The following SCFD2 variants were observed in gnomAD, a reference collection of about 807,000 sequenced individuals.
The protein encoded by SCFD2 is sec1 family domain-containing protein 2.
SCFD2 carries 54 observed loss-of-function variants against 58.9 expected under a neutral mutation model. The observed-to-expected ratio is 0.92, with a 90% CI of 0.74 to 1.15. SCFD2 has a LOEUF of 1.15. Among genes scored for constraint, SCFD2 ranks in the 50% most tolerant of loss-of-function variants. The probability of loss-of-function intolerance (pLI) is 0.00; values close to 1 mark genes in which losing one functional copy is unlikely to be tolerated. For missense variants in SCFD2, 805 were observed against 836.6 expected, an observed-to-expected ratio of 0.96 and a Z score of 0.47; for synonymous variants, 321 against 335.9, an observed-to-expected ratio of 0.96 and a Z score of 0.49.
intron 4 of SCFD2, among the ~76,000 whole-genome samples, chr4:53,190,726 T>C (rs182739826): frequency 3.3e-5 from 5 of 152,318 alleles, no homozygotes; most frequent in African/African-American, 9.6e-5. Context: ...AAGGAAATAA[T>C]AGATGCTGAA....
rs1443141424 is a variant in SCFD2 at position 53,045,595 on chromosome 4, T to A, written c.1561+99738A>T. On this transcript the variant is annotated intron_variant, in intron 5 of 8. Coordinates refer to ENST00000401642, the MANE Select transcript of SCFD2 (RefSeq NM_152540.4). ...CTTAAATTTTTAATTTCTCTCAAAA[T>A]TTCCTTATAAAATTAGATTGCATCT... Among the ~76,000 whole-genome samples the A allele has an allele frequency of 2.0e-5, 3 of 152,314 alleles. No homozygotes were observed. In the East Asian group the frequency reaches 5.8e-4, roughly 29 times the overall value.
In SCFD2 at chr4:53,221,804, A is replaced by G. The variant is rs544055192; in HGVS notation, c.1311+52022T>C. On this transcript the variant is annotated intron_variant, in intron 4 of 8. Coordinates refer to ENST00000401642, the MANE Select transcript of SCFD2 (RefSeq NM_152540.4). ...GCTGGAAGATGGAGATTAGAAAATG[A>G]GAAATAGGGAGATCCAGCAGCTCTA... 3.9e-5 allele frequency among the ~76,000 whole-genome samples: 6 copies of G among 152,362 alleles called. No individual in the cohort carries two copies. In the East Asian group the frequency reaches 1.2e-3, roughly 29 times the overall value.
At position 53,271,607 on chromosome 4, in the gene SCFD2, G is replaced by C. The variant is rs774727770; in HGVS notation, c.1311+2219C>G. Reference sequence around the variant, plus strand: ...CCTCCCGAGTAGCTGGGACTACAGAGGACCGCCACCACACCCAGCTAATTT... The same window carrying C: ...CCTCCCGAGTAGCTGGGACTACAGACGACCGCCACCACACCCAGCTAATTT... On this transcript the variant is annotated intron_variant, in intron 4 of 8. Coordinates refer to ENST00000401642, the MANE Select transcript of SCFD2 (RefSeq NM_152540.4). Among the ~76,000 whole-genome samples the C allele has an allele frequency of 2.6e-4, 40 of 151,920 alleles. 1 individual carries two copies. Among genetic ancestry groups the C allele is most frequent in the Non-Finnish European group, 4.0e-4 (27 of 67,934 alleles).
chr4:52,962,605 AT>A (rs1720875865), intron 5 of SCFD2, among the ~76,000 whole-genome samples: 1 of 151,704 alleles, frequency 6.6e-6, no homozygotes. Context: ...TTGTCTTCCT[AT>A]TTTTTTCTTT....
intron 7 of SCFD2, among the ~76,000 whole-genome samples, chr4:52,906,625 G>A (rs1178497415): frequency 6.6e-6 from 1 of 152,220 alleles, no homozygotes; most frequent in Non-Finnish European, 1.5e-5. Flanking sequence ...TTACTGCTTG[G>A]TTTAGAGTCT....
chr4:53,303,829 AT>A (rs1416921515), intron 3 of SCFD2, among the ~76,000 whole-genome samples: 7 of 142,878 alleles, frequency 4.9e-5, no homozygotes, highest in Non-Finnish European at 9.5e-5. Context: ...GGAAACCATC[AT>A]TCTCAGCAAA....
chr4:52,996,039 A>G (rs1352066788), intron 5 of SCFD2, among the ~76,000 whole-genome samples: 2 of 152,218 alleles, frequency 1.3e-5, no homozygotes. Context: ...AATGACTGAA[A>G]TCTTGGTACT....
intron 2 of SCFD2, among the ~76,000 whole-genome samples, chr4:53,315,299 C>T (rs1732828068): frequency 7.3e-6 from 1 of 137,726 alleles, no homozygotes; most frequent in African/African-American, 2.7e-5. Context: ...GGTTACAAAA[C>T]AAGAGAAAGA....
intron 5 of SCFD2, among the ~76,000 whole-genome samples, chr4:52,930,441 T>G (rs990470286): frequency 1.3e-5 from 2 of 152,116 alleles, no homozygotes; most frequent in Non-Finnish European, 2.9e-5. Flanking sequence ...ATTCAGGACA[T>G]AGGCATGGGC....
intron 4 of SCFD2, among the ~76,000 whole-genome samples, chr4:53,224,488 A>G (rs1186084133): frequency 1.3e-5 from 2 of 152,090 alleles, no homozygotes; most frequent in Non-Finnish European, 2.9e-5. Context: ...ATACCCTGAG[A>G]TTGCCATGAT....
chr4:53,179,928 A>C (rs1007576841), intron 4 of SCFD2, among the ~76,000 whole-genome samples: 1 of 152,246 alleles, frequency 6.6e-6, no homozygotes, highest in Non-Finnish European at 1.5e-5. Flanking sequence ...TGGTAAAGGG[A>C]TCAATTCAAC....
At chr4:53,224,866 TTTA>T (rs1282113077) in intron 4 of SCFD2, among the ~76,000 whole-genome samples, 2 of 152,232 alleles carry the variant, frequency 1.3e-5, no homozygotes, top group African/African-American at 4.8e-5. Flanking sequence ...TTCACCTTTT[TTTA>T]TTATTTAACA....
At chr4:53,156,842 C>T (rs998555323) in intron 4 of SCFD2, among the ~76,000 whole-genome samples, 3 of 152,146 alleles carry the variant, frequency 2.0e-5, no homozygotes, top group Non-Finnish European at 2.9e-5. Context: ...GATGGTTATC[C>T]CTAGAAAAAG....
intron 5 of SCFD2, among the ~76,000 whole-genome samples, chr4:53,053,222 CAAA>C (rs1277787453): frequency 2.6e-5 from 2 of 77,500 alleles, no homozygotes; most frequent in African/African-American, 4.9e-5. Context: ...GACACCGTCT[CAAA>C]AAAAAAAAAA....
intron 2 of SCFD2, among the ~76,000 whole-genome samples, chr4:53,319,784 G>A (rs537028705): frequency 6.6e-6 from 1 of 152,038 alleles, no homozygotes; most frequent in Non-Finnish European, 1.5e-5. Flanking sequence ...CACCCAACTT[G>A]GCCTCCCAAA....
At chr4:52,986,640 A>G (rs1976046) in intron 5 of SCFD2, among the ~76,000 whole-genome samples, 76,054 of 150,880 alleles carry the variant, frequency 0.5, 19,470 homozygotes, top group African/African-American at 0.54. Context: ...CTGGGACTAC[A>G]GGCGCCCACC....
chr4:53,188,867 T>G (rs930061400), intron 4 of SCFD2, among the ~76,000 whole-genome samples: 8 of 152,186 alleles, frequency 5.3e-5, no homozygotes, highest in African/African-American at 1.7e-4. Context: ...CTCACTTGTT[T>G]TTTTCCTGCC....
chr4:53,046,686 G>A (rs745789376), intron 5 of SCFD2, among the ~76,000 whole-genome samples: 1 of 151,532 alleles, frequency 6.6e-6, no homozygotes, highest in South Asian at 2.1e-4. Context: ...TTTTTTCTTT[G>A]AGACAGAGCC....
At position 52,907,384 on chromosome 4, in the gene SCFD2, G is replaced by C. The variant is rs1719371516; in HGVS notation, c.1842+73C>G. 2.1e-6 allele frequency: 3 copies of C among 1,460,704 alleles called. No homozygotes were observed. In the Admixed American group the frequency reaches 5.1e-5, roughly 25 times the overall value. The allele number at this position is 1,460,704 out of a possible 1,614,324, so 90.5% of individuals were successfully genotyped here. ...TGTATGGTGCTGGCTAGGGTTAACA[G>C]GGTGCCAGCATTTTCATGCCCAGCA... On this transcript the variant is annotated intron_variant, in intron 7 of 8. Coordinates refer to ENST00000401642, the MANE Select transcript of SCFD2 (RefSeq NM_152540.4).
Sources: gnomAD v4.1 joint callset for allele counts (sites outside exome capture counted in the v4.1 genomes callset) on GRCh38, gnomAD v4.1.1 for gene constraint, MANE v1.5 for transcripts, NCBI Gene and HGNC (gene_info 2026-07-23, HGNC 2026-07-21) for gene names.